The following PPP1R3F variants were observed in gnomAD, a reference collection of about 807,000 sequenced individuals.
PPP1R3F encodes protein phosphatase 1, regulatory (inhibitor) subunit 3F.
In PPP1R3F, 29 loss-of-function variants were observed where a neutral mutation model predicts 24.2. That is an observed-to-expected ratio of 1.20 (90% CI 0.89 to 1.63). The LOEUF is 1.63. PPP1R3F is among the 40% of genes most tolerant of loss of function. The pLI, the probability that PPP1R3F is intolerant of heterozygous loss-of-function variation, is 0.00. For missense variants in PPP1R3F, 823 were observed against 729.3 expected (o/e 1.13, Z -1.48); for synonymous variants, 363 against 340.1 (o/e 1.07, Z -0.74).
chrX:49,285,180 T>C (rs781833604), intron 3 of PPP1R3F, among the ~76,000 whole-genome samples: 3 of 110,768 alleles, frequency 2.7e-5, no homozygotes, highest in Middle Eastern at 4.7e-3. Flanking sequence ...GCATTTATCC[T>C]GTGTGTTACA....
intron 3 of PPP1R3F, among the ~76,000 whole-genome samples, chrX:49,297,185 TTTTATTTATTTA>T (rs200480890): frequency 0.076 from 7,181 of 93,983 alleles, 772 homozygotes; most frequent in African/African-American, 0.26. Context: ...CTTGCTTTAT[TTTTATTTATTTA>T]TTTATTTATT....
In PPP1R3F at chrX:49,300,123, C is replaced by T. The variant is rs782048078; in HGVS notation, c.393-1228C>T. ...CGGTTGCCCAGTTTTGTGTTTGAAA[C>T]CTAGGGCCCTGGTGGCATAGGCACA... On this transcript the variant is annotated intron_variant, in intron 3 of 3. Coordinates refer to the PPP1R3F transcript ENST00000471261. 2.7e-5 allele frequency among the ~76,000 whole-genome samples: 3 copies of T among 111,874 alleles called. No individual in the cohort carries two copies. The Admixed American group carries it at 2.8e-4, about 11-fold the overall frequency.
chrX:49,270,806 G>C lies in PPP1R3F; in HGVS notation c.937G>C (p.Glu313Gln). 8.4e-7 allele frequency: 1 copy of C among 1,191,247 alleles called. No individual in the cohort carries two copies. The highest frequency in any genetic ancestry group is 2.3e-5 in the Admixed American group (1 of 43,385). ...GCTGCCGCAGCTGGAGCCACAGCCCGAGTGCCAGGGTCCCGTGGAGGCTGA... is the reference window on the plus strand; with the variant it reads ...GCTGCCGCAGCTGGAGCCACAGCCCCAGTGCCAGGGTCCCGTGGAGGCTGA... ...QQLPQLEPQP[E>Q]CQGPVEAEAR... The change falls in exon 1 of 4, where the codon GAG (glutamate) becomes CAG (glutamine). Residue 313 changes from glutamate to glutamine, a missense_variant. Coordinates refer to ENST00000055335, the MANE Select transcript of PPP1R3F (RefSeq NM_033215.5).
chrX:49,271,683 A>G (rs2066180988), intron 1 of PPP1R3F, among the ~76,000 whole-genome samples: 2 of 112,995 alleles, frequency 1.8e-5, no homozygotes, highest in Admixed American at 9.3e-5. Context: ...CTGACCTTGA[A>G]GCCTGTGCAC....
chrX:49,270,765 T>C lies in PPP1R3F; in HGVS notation c.896T>C (p.Leu299Pro), dbSNP rs1557119103. The C allele has an allele frequency of 8.3e-7, 1 of 1,199,849 alleles. No homozygotes were observed. Among genetic ancestry groups the C allele is most frequent in the East Asian group, 3.0e-5 (1 of 33,034 alleles). The stretch of plus-strand genomic sequence containing the variant: ...CCCACACCCACTGATGCCGAAGGGC[T>C]GCCCCAGCAGCAGCAGCTGCCGCAG... ...PAPTPTDAEGLPQQQQLPQLE... is the reference protein window; with the variant it reads ...PAPTPTDAEGPPQQQQLPQLE... The change falls in exon 1 of 4, where the codon CTG (leucine) becomes CCG (proline). Residue 299 changes from leucine to proline, a missense_variant. Transcript: ENST00000055335.
chrX:49,300,999 T>C (rs1452111175), intron 3 of PPP1R3F, among the ~76,000 whole-genome samples: 1 of 112,410 alleles, frequency 8.9e-6, no homozygotes, highest in Non-Finnish European at 1.9e-5. Flanking sequence ...TTTTGAGACA[T>C]GAGTTGATAA....
downstream of PPP1R3F, among the ~76,000 whole-genome samples, chrX:49,292,786 G>A (rs1273760461): frequency 8.9e-6 from 1 of 112,441 alleles, no homozygotes; most frequent in Non-Finnish European, 1.9e-5. Flanking sequence ...GCAGCTGCAG[G>A]CCCAGCTGCT....
chrX:49,270,050 G>A lies in PPP1R3F; in HGVS notation c.181G>A (p.Gly61Arg), dbSNP rs2066161218. The A allele has an allele frequency of 1.0e-6, 1 of 976,523 alleles. No individual in the cohort carries two copies. Among genetic ancestry groups the A allele is most frequent in the Non-Finnish European group, 1.3e-6 (1 of 782,316 alleles). The allele number at this position is 976,523 out of a possible 1,213,427, so 80.5% of individuals were successfully genotyped here. A position where few individuals can be genotyped will look rare whatever the true frequency, so the allele number is the denominator to read the frequency against. Residue 61 changes from glycine to arginine, a missense_variant, in exon 1 of 4, where the codon GGG becomes AGG. Physicochemically the swap from Gly to Arg is moderately radical, Grantham distance 125. Coordinates refer to ENST00000055335, the MANE Select transcript of PPP1R3F (RefSeq NM_033215.5). ...LRRYRPWGGP[G>R]AGKMAAAAGQ... ...CCGCTACCGGCCGTGGGGCGGGCCC[G>A]GGGCGGGCAAGATGGCGGCGGCGGC... is the stretch of plus-strand genomic sequence containing the variant.
intron 3 of PPP1R3F, among the ~76,000 whole-genome samples, chrX:49,300,841 T>C (rs1339239586): frequency 9.0e-6 from 1 of 111,708 alleles, no homozygotes; most frequent in Non-Finnish European, 1.9e-5. Flanking sequence ...AGGTCAGTGA[T>C]GCTCAGGATG....
At chrX:49,288,916 G>T (rs1326500915), downstream of PPP1R3F, among the ~76,000 whole-genome samples, 1 of 111,168 alleles carries the variant, frequency 9.0e-6, no homozygotes, top group African/African-American at 3.3e-5. Flanking sequence ...CTAGATGGGC[G>T]GATCAGGAGT....
In PPP1R3F at chrX:49,286,037, G is replaced by A. The variant is rs372952213; in HGVS notation, c.1347G>A (p.Glu449=). 1.4e-5 allele frequency: 17 copies of A among 1,174,480 alleles called. No homozygotes were observed. The African/African-American group carries it at 2.5e-4, about 17-fold the overall frequency. ...AGGGGGCCACCGGGCCTTTCCTGGA[G>A]CCCAGTCAGCAGCAGGCAGAGGCCA... ...ASEGATGPFL[E]PSQQQAEATW... The change falls in exon 4 of 4, where the codon GAG becomes GAA. Residue 449 remains glutamate (E), a synonymous_variant. Transcript: ENST00000055335.
intron 1 of PPP1R3F, among the ~76,000 whole-genome samples, chrX:49,271,286 C>T (rs1014142679): frequency 1.3e-4 from 14 of 111,521 alleles, no homozygotes; most frequent in Non-Finnish European, 2.1e-4. Flanking sequence ...AGGTGAGTCC[C>T]GAATGATGAT....
intron 1 of PPP1R3F, among the ~76,000 whole-genome samples, chrX:49,280,048 A>G (rs1557120465): frequency 9.0e-6 from 1 of 110,945 alleles, no homozygotes; most frequent in African/African-American, 3.3e-5. Context: ...CCCTGTGCTT[A>G]GTGCACATCC....
chrX:49,276,583 G>T (rs1490308241), intron 1 of PPP1R3F, among the ~76,000 whole-genome samples: 2 of 112,677 alleles, frequency 1.8e-5, no homozygotes, highest in Non-Finnish European at 3.8e-5. Flanking sequence ...TGTTTCACTC[G>T]AAGAACAACC....
chrX:49,272,392 A>G (rs781918789), intron 1 of PPP1R3F, among the ~76,000 whole-genome samples: 36 of 112,840 alleles, frequency 3.2e-4, no homozygotes, highest in African/African-American at 1.1e-3. Flanking sequence ...GACCTTGGCC[A>G]ACGCATTTAA....
chrX:49,284,623 T>C (rs930102945), intron 3 of PPP1R3F, among the ~76,000 whole-genome samples: 4 of 107,780 alleles, frequency 3.7e-5, no homozygotes, highest in African/African-American at 1.4e-4. Flanking sequence ...GCAATTCTCC[T>C]GTCTCAGCCT....
chrX:49,291,288 T>TTCTCTCTC (rs781932322), downstream of PPP1R3F, among the ~76,000 whole-genome samples: 1,241 of 50,575 alleles, frequency 0.025, 54 homozygotes, highest in African/African-American at 0.06. Context: ...CAGCCTACTT[T>TTCTCTCTC]TCTCTCTCTC....
At chrX:49,281,183 G>A (rs1189487194) in intron 1 of PPP1R3F, 4 of 302,925 alleles carry the variant, frequency 1.3e-5, no homozygotes. Flanking sequence ...GCTGATGTGT[G>A]ATTGTTTTTC....
chrX:49,271,688 G>A (rs1445943612), intron 1 of PPP1R3F, among the ~76,000 whole-genome samples: 1 of 113,046 alleles, frequency 8.8e-6, no homozygotes, highest in Non-Finnish European at 1.9e-5. Context: ...CTTGAAGCCT[G>A]TGCACTCTAC....
Sources: gnomAD v4.1 joint callset for allele counts (sites outside exome capture counted in the v4.1 genomes callset) on GRCh38, gnomAD v4.1.1 for gene constraint, MANE v1.5 for transcripts, NCBI Gene and HGNC (gene_info 2026-07-23, HGNC 2026-07-21) for gene names.